The following SLC25A42 variants were observed in gnomAD, a reference collection of about 807,000 sequenced individuals.
SLC25A42 encodes solute carrier family 25 member 42.
Under a neutral mutation model 34.7 loss-of-function variants are expected in SLC25A42, and 19 were observed. The ratio of observed to expected loss-of-function variants is 0.55; its 90% CI spans 0.38 to 0.80. SLC25A42 has a LOEUF of 0.80. Ranked by LOEUF, SLC25A42 falls within the 30% of genes least tolerant of loss-of-function variation. SLC25A42 has a pLI of 0.00. For synonymous variants in SLC25A42, 205 were observed against 191.2 expected, an observed-to-expected ratio of 1.07 and a Z score of -0.59; for missense variants, 364 against 441.3, an observed-to-expected ratio of 0.82 and a Z score of 1.57.
At chr19:19,088,354 C>A (rs572654137) in intron 1 of SLC25A42, among the ~76,000 whole-genome samples, 1 of 147,964 alleles carries the variant, frequency 6.8e-6, no homozygotes, top group Non-Finnish European at 1.5e-5. Flanking sequence ...TACAGGTGCC[C>A]GCCACCACGC....
In SLC25A42 at chr19:19,110,987, T is replaced by C. The variant is rs533596542; in HGVS notation, c.*111T>C. ...CTACTTCAGGAGGCACATGGGGCGC[T>C]TTATGGAACGAGCAGGTGGGCCTGA... On this transcript the variant is annotated 3_prime_UTR_variant, in exon 8 of 8. Coordinates refer to ENST00000318596, the MANE Select transcript of SLC25A42 (RefSeq NM_178526.5). 4.0e-6 allele frequency: 5 copies of C among 1,259,060 alleles called. No homozygotes were observed. In the South Asian group the frequency reaches 7.1e-5, roughly 18 times the overall value. The allele number at this position is 1,259,060 out of a possible 1,614,324, so 78.0% of individuals were successfully genotyped here.
chr19:19,105,684 G>C lies in SLC25A42; in HGVS notation c.337G>C (p.Glu113Gln), dbSNP rs751466309. ...YAAIQFSAHEEYKRILGSYYG... is the reference protein window; with the variant it reads ...YAAIQFSAHEQYKRILGSYYG... ...CGCCATCCAGTTCAGCGCACACGAG[G>C]AGTACAAGCGCATCCTGGGCAGCTA... Residue 113 changes from glutamate (E) to glutamine (Q), a missense_variant, in exon 5 of 8, where the codon GAG (glutamate) becomes CAG (glutamine). Physicochemically the swap from Glu to Gln is conservative, Grantham distance 29. Transcript: ENST00000318596. The C allele has an allele frequency of 1.2e-6, 2 of 1,610,248 alleles. No individual in the cohort carries two copies. Among genetic ancestry groups the C allele is most frequent in the South Asian group, 1.1e-5 (1 of 90,720 alleles).
At chr19:19,095,777 C>T (rs1037007464) in intron 1 of SLC25A42, among the ~76,000 whole-genome samples, 6 of 152,194 alleles carry the variant, frequency 3.9e-5, no homozygotes, top group Admixed American at 1.3e-4. Context: ...CTGAGCACCT[C>T]GGCCACGCTG....
At chr19:19,064,264 T>C (rs1599658475) in intron 1 of SLC25A42, 149 bp downstream of exon 1, 1 of 147,720 alleles carries the variant, frequency 6.8e-6, no homozygotes, top group Non-Finnish European at 1.5e-5. Flanking sequence ...TGCATCCAGG[T>C]TTGAGCCCGT....
chr19:19,091,550 T>C (rs1009288516), intron 1 of SLC25A42, among the ~76,000 whole-genome samples: 2 of 151,806 alleles, frequency 1.3e-5, no homozygotes, highest in Middle Eastern at 3.4e-3. Flanking sequence ...TAGGAGGTGA[T>C]GGGGAAAAAA....
intron 1 of SLC25A42, among the ~76,000 whole-genome samples, chr19:19,078,894 C>G (rs1172116531): frequency 1.3e-5 from 2 of 152,092 alleles, no homozygotes; most frequent in East Asian, 3.8e-4. Flanking sequence ...TCTTGTCCCC[C>G]AGGCTGGAGT....
intron 3 of SLC25A42, 126 bp downstream of exon 3, chr19:19,102,012 T>C (rs1366546704): frequency 1.5e-6 from 1 of 679,138 alleles, no homozygotes; most frequent in East Asian, 3.0e-5. Flanking sequence ...AGGTTTTTTG[T>C]TGTTTTTTTT....
In SLC25A42 at chr19:19,104,661, G is replaced by C. The variant is rs145302671; in HGVS notation, c.188-252G>C. Among the ~76,000 whole-genome samples the C allele has an allele frequency of 7.2e-5, 11 of 152,324 alleles. No homozygotes were observed. The East Asian group carries it at 1.4e-3, about 19-fold the overall frequency. Reference sequence around the variant, plus strand: ...GCCTGGAGGCTGGGACACCTTCCCTGCAGGGGTTTGGGTGAATGGTAGTCT... The same window carrying C: ...GCCTGGAGGCTGGGACACCTTCCCTCCAGGGGTTTGGGTGAATGGTAGTCT... On this transcript the variant is annotated intron_variant, in intron 3 of 7. Coordinates refer to ENST00000318596, the MANE Select transcript of SLC25A42 (RefSeq NM_178526.5).
At chr19:19,074,710 TGTGC>T (rs1199465388) in intron 1 of SLC25A42, among the ~76,000 whole-genome samples, 2 of 151,854 alleles carry the variant, frequency 1.3e-5, no homozygotes, top group African/African-American at 4.8e-5. Flanking sequence ...AGAGTGTGTG[TGTGC>T]GTGCGTGTAT....
At chr19:19,089,398 CGT>C (rs1467233921) in intron 1 of SLC25A42, among the ~76,000 whole-genome samples, 1 of 151,372 alleles carries the variant, frequency 6.6e-6, no homozygotes, top group Non-Finnish European at 1.5e-5. Flanking sequence ...CATGGTGGTG[CGT>C]GCCTGTAATC....
chr19:19,077,762 C>A (rs907862655), intron 1 of SLC25A42, among the ~76,000 whole-genome samples: 2 of 152,136 alleles, frequency 1.3e-5, no homozygotes, highest in African/African-American at 4.8e-5. Flanking sequence ...TGGTGCACAC[C>A]TGTAATCCCA....
Position 19,074,051 on chromosome 19 carries a change from CTCTT to C in SLC25A42, c.-35+9937_-35+9940del, listed in dbSNP as rs1371270494. Among the ~76,000 whole-genome samples the C allele has an allele frequency of 1.1e-4, 17 of 152,294 alleles. No homozygotes were observed. The East Asian group carries it at 3.3e-3, about 29-fold the overall frequency. ...GCGAGGACAGTTACTGAAGTAGACC[CTCTT>C]AGTGGAGGAATGTGAGTACCATTCA... On this transcript the variant is annotated intron_variant, in intron 1 of 7. Coordinates refer to ENST00000318596, the MANE Select transcript of SLC25A42 (RefSeq NM_178526.5).
chr19:19,099,875 C>T (rs56060138), intron 2 of SLC25A42, among the ~76,000 whole-genome samples: 1 of 151,870 alleles, frequency 6.6e-6, no homozygotes, highest in Non-Finnish European at 1.5e-5. Flanking sequence ...TTACAGGCAC[C>T]CACCACCATG....
intron 1 of SLC25A42, among the ~76,000 whole-genome samples, chr19:19,069,766 C>T (rs1258064897): frequency 1.3e-5 from 2 of 151,824 alleles, no homozygotes; most frequent in African/African-American, 4.8e-5. Context: ...GTGATTCTCC[C>T]GCTTCAGCCT....
At chr19:19,069,699 C>T (rs1206931859) in intron 1 of SLC25A42, among the ~76,000 whole-genome samples, 2 of 152,110 alleles carry the variant, frequency 1.3e-5, no homozygotes, top group Admixed American at 6.6e-5. Context: ...ATGTTGTTCA[C>T]GCTGGAGTGC....
intron 6 of SLC25A42, among the ~76,000 whole-genome samples, 159 bp from the exon 7 acceptor site, chr19:19,107,735 C>T (rs1380909686): frequency 6.6e-6 from 1 of 152,144 alleles, no homozygotes; most frequent in Non-Finnish European, 1.5e-5. Flanking sequence ...AATAACAAAG[C>T]TTGAGTGATG....
intron 1 of SLC25A42, among the ~76,000 whole-genome samples, chr19:19,090,428 C>G (rs74254009): frequency 7.1e-6 from 1 of 140,562 alleles, no homozygotes; most frequent in Non-Finnish European, 1.6e-5. Context: ...CTTGGGAGCC[C>G]TTTATAAGGA....
intron 1 of SLC25A42, among the ~76,000 whole-genome samples, chr19:19,088,153 G>A (rs1348824177): frequency 4.0e-5 from 6 of 151,578 alleles, no homozygotes; most frequent in Non-Finnish European, 8.8e-5. Flanking sequence ...GAGTTTCTAA[G>A]GAACGGTTCC....
intron 1 of SLC25A42, among the ~76,000 whole-genome samples, chr19:19,074,015 G>A (rs989930366): frequency 1.3e-5 from 2 of 152,194 alleles, no homozygotes; most frequent in Admixed American, 6.5e-5. Context: ...ACCAAACATA[G>A]GGCTTTTGAG....
Sources: gnomAD v4.1 joint callset for allele counts (sites outside exome capture counted in the v4.1 genomes callset) on GRCh38, gnomAD v4.1.1 for gene constraint, MANE v1.5 for transcripts, NCBI Gene and HGNC (gene_info 2026-07-23, HGNC 2026-07-21) for gene names.